INCA1: variants seen among roughly 807,000 people sequenced by gnomAD.
INCA1 encodes the protein inhibitor of CDK, cyclin A1 interacting protein 1, also known as protein INCA1.
A neutral mutation model predicts 25.7 loss-of-function variants in INCA1; 28 were observed. The ratio of observed to expected loss-of-function variants is 1.09; its 90% CI spans 0.81 to 1.49. INCA1 has a LOEUF of 1.49. INCA1 is among the 40% of genes most tolerant of loss of function. The pLI is 0.00. For missense variants in INCA1, 309 were observed against 290.9 expected (o/e 1.06, Z -0.45); for synonymous variants, 111 against 103.6 (o/e 1.07, Z -0.43).
chr17:4,990,657 G>A lies in INCA1; in HGVS notation c.45-392C>T, dbSNP rs1456329971. ...AGCACTTTGGGAGGCTGATGTGGGT[G>A]GATCACCTGAGGTCTGGAGTCCAAG... On this transcript the variant is annotated intron_variant, in intron 2 of 6. Transcript: ENST00000576820. 2.0e-5 allele frequency among the ~76,000 whole-genome samples: 3 copies of A among 151,976 alleles called. No individual in the cohort carries two copies. In the East Asian group the frequency reaches 5.9e-4, roughly 30 times the overall value.
chr17:4,989,786 T>G (rs1411404728), intron 4 of INCA1, 104 bp downstream of exon 4: 5 of 1,577,320 alleles, frequency 3.2e-6, no homozygotes, highest in Non-Finnish European at 4.4e-6. Context: ...AGTGCACTGG[T>G]TGGGGAATAA....
chr17:4,990,103 A>G (rs1186562486), intron 3 of INCA1, 49 bp downstream of exon 3: 4 of 1,612,346 alleles, frequency 2.5e-6, no homozygotes, highest in Non-Finnish European at 3.4e-6. Context: ...TGGTAGTTTA[A>G]TCCAGTTAAG....
intron 2 of INCA1, among the ~76,000 whole-genome samples, 173 bp from the exon 3 acceptor site, chr17:4,990,438 A>T (rs1304277285): frequency 6.6e-6 from 1 of 152,146 alleles, no homozygotes; most frequent in Non-Finnish European, 1.5e-5. Flanking sequence ...TCTGCTTTGA[A>T]AGGAAATTGA....
At chr17:4,995,233 G>C (rs896812146) in intron 1 of INCA1, among the ~76,000 whole-genome samples, 1 of 152,120 alleles carries the variant, frequency 6.6e-6, no homozygotes, top group Non-Finnish European at 1.5e-5. Flanking sequence ...TTGTAGTGCT[G>C]GACTGTTAAT....
chr17:4,994,818 T>C, intron 1 of INCA1, among the ~76,000 whole-genome samples: 1 of 145,242 alleles, frequency 6.9e-6, no homozygotes, highest in South Asian at 2.2e-4. Flanking sequence ...AAAAAAGGCA[T>C]TCATTCATAT....
chr17:4,989,916 C>A lies in INCA1; in HGVS notation c.172G>T (p.Glu58Ter). ...AGCATGGGTGGAATGTGCTGCTCCT[C>A]CAGCCAAGTGGGGCTGTGAAGAACA... Residue 58 changes from glutamate (E) to a stop codon, truncating the protein, a stop_gained, in exon 4 of 7, where the codon GAG (glutamate) becomes TAG (stop). Coordinates refer to ENST00000576820, the Ensembl canonical transcript of INCA1. LOFTEE classifies it high-confidence loss of function. 1.2e-6 allele frequency: 2 copies of A among 1,614,148 alleles called. No homozygotes were observed. Among genetic ancestry groups the A allele is most frequent in the Non-Finnish European group, 1.7e-6 (2 of 1,180,026 alleles).
intron 5 of INCA1, 105 bp from the exon 6 acceptor site, chr17:4,989,049 G>T: frequency 7.9e-7 from 1 of 1,261,586 alleles, no homozygotes; most frequent in Non-Finnish European, 1.1e-6. Context: ...GGACTCCAGG[G>T]AGTTGTCATT....
chr17:4,994,181 C>T (rs1371820522), intron 2 of INCA1, among the ~76,000 whole-genome samples: 1 of 152,208 alleles, frequency 6.6e-6, no homozygotes, highest in African/African-American at 2.4e-5. Flanking sequence ...GGACCCCTAT[C>T]CTGCTAGTTG....
chr17:4,988,313 G>A (rs1009928905), exon 7 of INCA1: 1 of 1,373,164 alleles, frequency 7.3e-7, no homozygotes, highest in Non-Finnish European at 9.8e-7. Context: ...AAGGGGAAAC[G>A]CCTTCATGTC....
chr17:4,991,228 G>C (rs938615861), intron 2 of INCA1, among the ~76,000 whole-genome samples: 1 of 152,080 alleles, frequency 6.6e-6, no homozygotes, highest in African/African-American at 2.4e-5. Flanking sequence ...TAATCTCAAC[G>C]TTTTAAGAAA....
chr17:4,989,266 T>C (rs570809128), intron 5 of INCA1, among the ~76,000 whole-genome samples, 162 bp downstream of exon 5: 42 of 152,232 alleles, frequency 2.8e-4, no homozygotes, highest in Non-Finnish European at 4.4e-4. Context: ...ATTACAGAAA[T>C]CTGTTTCAAT....
intron 2 of INCA1, among the ~76,000 whole-genome samples, chr17:4,992,978 CA>C (rs1973975679): frequency 6.6e-6 from 1 of 152,118 alleles, no homozygotes; most frequent in Non-Finnish European, 1.5e-5. Context: ...CTCCCATGTT[CA>C]AGTGATTCTC....
intron 2 of INCA1, among the ~76,000 whole-genome samples, chr17:4,991,198 G>T (rs534884057): frequency 2.0e-5 from 3 of 152,118 alleles, no homozygotes; most frequent in Non-Finnish European, 4.4e-5. Flanking sequence ...GATTACAGGT[G>T]TGAGCCATTG....
chr17:4,988,592 A>G, intron 6 of INCA1, 38 bp from the exon 7 acceptor site: 1 of 1,607,064 alleles, frequency 6.2e-7, no homozygotes, highest in Non-Finnish European at 8.5e-7. Context: ...AAAATGGAAA[A>G]GTAGGTCTTC....
chr17:4,994,300 G>T, intron 2 of INCA1, 94 bp downstream of exon 2: 1 of 1,164,796 alleles, frequency 8.6e-7, no homozygotes, highest in Non-Finnish European at 1.3e-6. Context: ...TGCATTTCCC[G>T]TTCTTTATTT....
intron 2 of INCA1, among the ~76,000 whole-genome samples, chr17:4,992,305 G>GAC (rs1973924929): frequency 6.6e-6 from 1 of 151,856 alleles, no homozygotes; most frequent in Admixed American, 6.6e-5. Flanking sequence ...TCTTTTTTGA[G>GAC]ACAGTCTCAC....
chr17:4,990,435 T>C (rs1230125633), intron 2 of INCA1, among the ~76,000 whole-genome samples, 170 bp from the exon 3 acceptor site: 1 of 152,172 alleles, frequency 6.6e-6, no homozygotes, highest in Non-Finnish European at 1.5e-5. Context: ...GCCTCTGCTT[T>C]GAAAGGAAAT....
At chr17:4,989,826 G>T in intron 4 of INCA1, 64 bp downstream of exon 4, 1 of 1,611,280 alleles carries the variant, frequency 6.2e-7, no homozygotes, top group South Asian at 1.1e-5. Flanking sequence ...GGAGAGCTTG[G>T]GACAGGACAG....
chr17:4,988,290 G>T, exon 7 of INCA1: 2 of 1,195,454 alleles, frequency 1.7e-6, no homozygotes, highest in East Asian at 2.5e-5. Flanking sequence ...AAAGGCAGTT[G>T]GAGAGACGAA....
Sources: allele counts gnomAD v4.1 joint callset (sites outside exome capture counted in the v4.1 genomes callset), GRCh38; gene constraint gnomAD v4.1.1; transcripts MANE v1.5; gene names NCBI Gene and HGNC (gene_info 2026-07-23, HGNC 2026-07-21).